The following CHAT variants were observed in gnomAD, a reference collection of about 807,000 sequenced individuals.
CHAT encodes choline O-acetyltransferase.
Under a neutral mutation model 76.9 loss-of-function variants are expected in CHAT, and 61 were observed. That is an observed-to-expected ratio of 0.79 (90% CI 0.65 to 0.98). CHAT has a LOEUF of 0.98. Ranked by LOEUF, CHAT falls within the 50% of genes least tolerant of loss-of-function variation. The probability of loss-of-function intolerance (pLI) is 0.00; values close to 1 mark genes in which losing one functional copy is unlikely to be tolerated. For missense variants in CHAT, 946 were observed against 986.9 expected, an observed-to-expected ratio of 0.96 and a Z score of 0.56; for synonymous variants, 407 against 397.4, an observed-to-expected ratio of 1.02 and a Z score of -0.29.
chr10:49,641,078 C>G (rs1460096695), intron 7 of CHAT, among the ~76,000 whole-genome samples: 1 of 152,244 alleles, frequency 6.6e-6, no homozygotes, highest in Admixed American at 6.5e-5. Flanking sequence ...TAGGCAACTA[C>G]AAGCCACCTT....
intron 7 of CHAT, among the ~76,000 whole-genome samples, chr10:49,641,617 G>A (rs1839483587): frequency 6.6e-6 from 1 of 152,136 alleles, no homozygotes; most frequent in Non-Finnish European, 1.5e-5. Flanking sequence ...ATGTGCGATG[G>A]CAGATTTACC....
intron 7 of CHAT, among the ~76,000 whole-genome samples, chr10:49,641,653 A>T (rs1225150113): frequency 2.0e-5 from 3 of 152,288 alleles, no homozygotes; most frequent in Middle Eastern, 6.8e-3. Flanking sequence ...GTACTCCTTC[A>T]TCAGGGGAGG....
chr10:49,640,996 G>C (rs1247776959), intron 7 of CHAT, among the ~76,000 whole-genome samples: 1 of 151,988 alleles, frequency 6.6e-6, no homozygotes, highest in Admixed American at 6.5e-5. Context: ...CCACAGAGTG[G>C]AGGCTTAAAC....
intron 7 of CHAT, among the ~76,000 whole-genome samples, chr10:49,628,756 G>A (rs991074754): frequency 1.6e-4 from 24 of 152,278 alleles, no homozygotes; most frequent in Non-Finnish European, 2.9e-4. Context: ...CCCATGGCAT[G>A]AGTGAGAAAG....
chr10:49,609,926 C>A (rs1269167105), upstream of CHAT, among the ~76,000 whole-genome samples: 1 of 152,100 alleles, frequency 6.6e-6, no homozygotes, highest in African/African-American at 2.4e-5. Flanking sequence ...CTCTGGCTCC[C>A]GCCTCTCCCA....
At chr10:49,662,109 A>G (rs2132850999) in intron 13 of CHAT, among the ~76,000 whole-genome samples, 1 of 152,298 alleles carries the variant, frequency 6.6e-6, no homozygotes, top group Middle Eastern at 3.4e-3. Context: ...AACAGATCTC[A>G]CACCCTCTAT....
chr10:49,653,656 G>T, intron 11 of CHAT, among the ~76,000 whole-genome samples: 1 of 152,248 alleles, frequency 6.6e-6, no homozygotes, highest in East Asian at 1.9e-4. Context: ...TGGGCTTGCT[G>T]CTGAGACTTG....
At chr10:49,614,034 G>T, upstream of CHAT, 1 of 1,351,758 alleles carries the variant, frequency 7.4e-7, no homozygotes, top group South Asian at 1.3e-5. Context: ...TGCGGTGACT[G>T]GGAAATGCTG....
At chr10:49,610,702 C>A, upstream of CHAT, 1 of 1,458,836 alleles carries the variant, frequency 6.9e-7, no homozygotes, top group Non-Finnish European at 9.0e-7. Context: ...GCGCTCGGCC[C>A]TGGCGGAGGC....
chr10:49,661,092 T>A (rs1840180040), intron 13 of CHAT, among the ~76,000 whole-genome samples: 1 of 152,206 alleles, frequency 6.6e-6, no homozygotes, highest in African/African-American at 2.4e-5. Context: ...ACTGTCTTGT[T>A]CTCTGTTGTG....
upstream of CHAT, chr10:49,611,975 G>A (rs766544544): frequency 1.2e-6 from 2 of 1,613,242 alleles, no homozygotes; most frequent in Admixed American, 1.7e-5. Flanking sequence ...GTGGACGTGC[G>A]CCATGTCTCA....
At position 49,652,007 on chromosome 10, in the gene CHAT, G is replaced by T; in HGVS notation, c.1634+1G>T. 1 of 1,614,140 alleles carries T rather than the reference G, an allele frequency of 6.2e-7. No individual in the cohort carries two copies. The highest frequency in any genetic ancestry group is 1.1e-5 in the South Asian group (1 of 91,072). ...TGGCCCTCCAGCTGGCCTTCTACAG[G>T]TGAGTGAAGGTGGAGTGAGTCTGTA... On this transcript the variant is annotated splice_donor_variant, in intron 11 of 14. Coordinates refer to ENST00000337653, the MANE Select transcript of CHAT (RefSeq NM_020549.5). LOFTEE classifies it high-confidence loss of function.
At chr10:49,612,249 T>A, upstream of CHAT, 1 of 1,610,336 alleles carries the variant, frequency 6.2e-7, no homozygotes, top group African/African-American at 1.3e-5. Flanking sequence ...GTGAGCGTCC[T>A]GTGTCTGGCC....
At chr10:49,653,536 C>T (rs576859603) in intron 11 of CHAT, among the ~76,000 whole-genome samples, 64 of 152,322 alleles carry the variant, frequency 4.2e-4, no homozygotes, top group Non-Finnish European at 2.4e-4. Flanking sequence ...GACACAGCAG[C>T]CCAGTGTCCC....
At chr10:49,609,252 G>A (rs1031159638), upstream of CHAT, 1 of 152,306 alleles carries the variant, frequency 6.6e-6, no homozygotes, top group African/African-American at 2.4e-5. Context: ...CGCTCTCCGG[G>A]GAGTGGGCGC....
upstream of CHAT, chr10:49,612,299 C>A (rs8187730): frequency 1 from 1,610,665 of 1,611,664 alleles, 804,839 homozygotes; most frequent in East Asian, 1. Context: ...CCTTTTGATG[C>A]GTGCGAGGAC....
rs547410940 is a variant in CHAT, at chr10:49,648,950, G to A, written c.1382+343G>A. Among the ~76,000 whole-genome samples the A allele has an allele frequency of 2.0e-5, 3 of 152,298 alleles. No individual in the cohort carries two copies. The South Asian group carries it at 6.2e-4, about 32-fold the overall frequency. On this transcript the variant is annotated intron_variant, in intron 9 of 14. Coordinates refer to ENST00000337653, the MANE Select transcript of CHAT (RefSeq NM_020549.5). ...CAGGGCCAGGCCCACGGCTGCCCCA[G>A]CACAGGGGGAGTTCTCTGAGTCTCA... is the stretch of plus-strand genomic sequence containing the variant.
chr10:49,665,451 C>G lies in CHAT; in HGVS notation c.*405C>G, dbSNP rs1279882005. On this transcript the variant is annotated 3_prime_UTR_variant, in exon 15 of 15. Coordinates refer to ENST00000337653, the MANE Select transcript of CHAT (RefSeq NM_020549.5). ...AGTCACTCTATTACATGCAACGTAC[C>G]TAATGAGTTAGGAAGGAAGAGGCTA... 6.6e-6 allele frequency among the ~76,000 whole-genome samples: 1 copy of G among 152,106 alleles called. No individual in the cohort carries two copies. The highest frequency in any genetic ancestry group is 2.4e-5 in the African/African-American group (1 of 41,416).
chr10:49,614,485 A>AGGGCT lies in CHAT; in HGVS notation c.286+23_286+27dup, dbSNP rs1186236190. On this transcript the variant is annotated intron_variant, in intron 1 of 14. Coordinates refer to ENST00000337653, the MANE Select transcript of CHAT (RefSeq NM_020549.5). Reference sequence around the variant, plus strand: ...GAGCCGAGGAGAGCAGGTGAGAAGAAGGGCTGGGCTGGGCTGGCGGAGCGC... The same window carrying AGGGCT: ...GAGCCGAGGAGAGCAGGTGAGAAGAAGGGCTGGGCTGGGCTGGGCTGGCGGAGCGC... 49 of 1,476,150 alleles carry AGGGCT rather than the reference A, an allele frequency of 3.3e-5. No homozygotes were observed. Among genetic ancestry groups the AGGGCT allele is most frequent in the Middle Eastern group, 2.5e-4 (1 of 4,030 alleles). The allele number at this position is 1,476,150 out of a possible 1,614,324, so 91.4% of individuals were successfully genotyped here. A position where few individuals can be genotyped will look rare whatever the true frequency, so the allele number is the denominator to read the frequency against.
Sources: allele counts gnomAD v4.1 joint callset (sites outside exome capture counted in the v4.1 genomes callset), GRCh38; gene constraint gnomAD v4.1.1; transcripts MANE v1.5; gene names NCBI Gene and HGNC (gene_info 2026-07-23, HGNC 2026-07-21).